OGFOD3: variants seen among roughly 807,000 people sequenced by gnomAD.
OGFOD3 encodes the protein 2-oxoglutarate and iron-dependent oxygenase domain-containing protein 3.
OGFOD3 carries 35 observed loss-of-function variants against 39.8 expected under a neutral mutation model. That is an observed-to-expected ratio of 0.88 (90% CI 0.67 to 1.17). The LOEUF (loss-of-function observed/expected upper bound fraction) is 1.17. Among genes scored for constraint, OGFOD3 ranks in the 50% most tolerant of loss-of-function variants. OGFOD3 has a pLI of 0.00. For missense variants in OGFOD3, 438 were observed against 454.5 expected (o/e 0.96, Z 0.33); for synonymous variants, 200 against 192.0 (o/e 1.04, Z -0.34).
intron 7 of OGFOD3, among the ~76,000 whole-genome samples, chr17:82,401,810 A>AAAAAAAAAAAAAAAAAAAAC (rs2052769847): frequency 6.8e-6 from 1 of 147,934 alleles, no homozygotes; most frequent in African/African-American, 2.5e-5. Context: ...TCTCAAAAAA[A>AAAAAAAAAAAAAAAAAAAAC]AAAAAAAAAA....
In OGFOD3 at chr17:82,418,496, CG is replaced by C; in HGVS notation, c.-12del. The C allele has an allele frequency of 7.2e-7, 1 of 1,381,172 alleles. No homozygotes were observed. The highest frequency in any genetic ancestry group is 1.5e-5 in the South Asian group (1 of 64,596). The allele number at this position is 1,381,172 out of a possible 1,614,324, so 85.6% of individuals were successfully genotyped here. A position where few individuals can be genotyped will look rare whatever the true frequency, so the allele number is the denominator to read the frequency against. On this transcript the variant is annotated 5_prime_UTR_variant, in exon 1 of 9. Transcript: ENST00000313056. ...CCGCTGAGGAGCCATCGGACCAGGC[CG>C]CCGCGGAGCCGGGCCGGACGCGGGC...
chr17:82,417,553 A>G (rs756268758), intron 1 of OGFOD3, among the ~76,000 whole-genome samples: 8 of 147,810 alleles, frequency 5.4e-5, no homozygotes, highest in Non-Finnish European at 1.2e-4. Flanking sequence ...CGGGAGGCAG[A>G]GGTTGCAATG....
intron 7 of OGFOD3, among the ~76,000 whole-genome samples, chr17:82,399,690 C>T (rs1201660084): frequency 1.3e-5 from 2 of 152,170 alleles, no homozygotes; most frequent in Non-Finnish European, 2.9e-5. Flanking sequence ...ACTCTAGGGT[C>T]CCCACGGACG....
chr17:82,402,840 A>G (rs1039893991), intron 7 of OGFOD3, among the ~76,000 whole-genome samples: 1 of 152,204 alleles, frequency 6.6e-6, no homozygotes, highest in Non-Finnish European at 1.5e-5. Context: ...GGATTGCTTC[A>G]GCCCAGGAGG....
At chr17:82,400,016 GCC>G (rs2052736828) in intron 7 of OGFOD3, among the ~76,000 whole-genome samples, 1 of 152,228 alleles carries the variant, frequency 6.6e-6, no homozygotes, top group African/African-American at 2.4e-5. Flanking sequence ...AGTGGAGAGA[GCC>G]CAGGCTTGAA....
chr17:82,404,364 G>A lies in OGFOD3; in HGVS notation c.546-274C>T, dbSNP rs1179344707. ...TGCAGGACCAACGCTGGGGAGGCTGGTGTGGAGTCAGGCCCCAGATGCCAG... is the reference window on the plus strand; with the variant it reads ...TGCAGGACCAACGCTGGGGAGGCTGATGTGGAGTCAGGCCCCAGATGCCAG... On this transcript the variant is annotated intron_variant, in intron 6 of 8. Coordinates refer to ENST00000313056, the MANE Select transcript of OGFOD3 (RefSeq NM_024648.3). The surrounding 1 kb of genome is among the most constrained non-coding windows in gnomAD (Gnocchi z 4.5). Among the ~76,000 whole-genome samples, 1 of 152,356 alleles carries A rather than the reference G, an allele frequency of 6.6e-6. No individual in the cohort carries two copies. Among genetic ancestry groups the A allele is most frequent in the East Asian group, 1.9e-4 (1 of 5,184 alleles).
intron 7 of OGFOD3, among the ~76,000 whole-genome samples, chr17:82,402,242 C>CT (rs1166469415): frequency 6.6e-6 from 1 of 151,844 alleles, no homozygotes; most frequent in Non-Finnish European, 1.5e-5. Flanking sequence ...TGAGGCCTGC[C>CT]TGGCCAACAT....
chr17:82,395,677 C>T (rs565478579), intron 8 of OGFOD3, among the ~76,000 whole-genome samples: 3 of 152,290 alleles, frequency 2.0e-5, no homozygotes, highest in South Asian at 2.1e-4. Flanking sequence ...AACAATTAGC[C>T]GGGCGTGGTG....
chr17:82,393,561 A>G (rs1166518177), intron 8 of OGFOD3: 2 of 152,202 alleles, frequency 1.3e-5, no homozygotes, highest in Non-Finnish European at 2.9e-5. Flanking sequence ...CGTGTGGGCC[A>G]CCTCCAGATA....
intron 1 of OGFOD3, among the ~76,000 whole-genome samples, chr17:82,416,615 T>C (rs920876920): frequency 6.6e-6 from 1 of 152,216 alleles, no homozygotes; most frequent in African/African-American, 2.4e-5. Context: ...AAAACTTGAA[T>C]AGAGACTCAT....
At chr17:82,405,850 T>C (rs1220489111) in intron 5 of OGFOD3, among the ~76,000 whole-genome samples, 1 of 152,150 alleles carries the variant, frequency 6.6e-6, no homozygotes, top group African/African-American at 2.4e-5. Context: ...CTCAGGAGGC[T>C]GAGATGGGAA....
chr17:82,398,209 C>T lies in OGFOD3; in HGVS notation c.810G>A (p.Val270=), dbSNP rs2052707627. 6.2e-7 allele frequency: 1 copy of T among 1,614,000 alleles called. No homozygotes were observed. The highest frequency in any genetic ancestry group is 1.3e-5 in the African/African-American group (1 of 74,926). The change falls in exon 8 of 9, where the codon GTG becomes GTA. Residue 270 remains valine, a synonymous_variant. Coordinates refer to ENST00000313056, the MANE Select transcript of OGFOD3 (RefSeq NM_024648.3). ...MFMEEGANKT[V]EPRAGRVSFF... ...CGCGCCTCCTACCAGCTCTCGGCTC[C>T]ACCGTCTTGTTGGCACCCTCCTCCA...
Position 82,392,648 on chromosome 17 carries a change from G to C in OGFOD3, c.824-114C>G. On this transcript the variant is annotated intron_variant, in intron 8 of 8. Coordinates refer to ENST00000313056, the MANE Select transcript of OGFOD3 (RefSeq NM_024648.3). This position sits in a 1 kb window ranked among gnomAD's most constrained non-coding sequence, Gnocchi z 4.2. Reference sequence around the variant, plus strand: ...TATAACCAATCAACACAACCAACCAGGCAGGCTGGAGAAATTGCCCCTCTG... The same window carrying C: ...TATAACCAATCAACACAACCAACCACGCAGGCTGGAGAAATTGCCCCTCTG... 7.8e-7 allele frequency: 1 copy of C among 1,275,312 alleles called. No homozygotes were observed. 79.0% of individuals were successfully genotyped at this position (1,275,312 alleles called of 1,614,324 possible). A position where few individuals can be genotyped will look rare whatever the true frequency, so the allele number is the denominator to read the frequency against.
At chr17:82,405,581 G>A (rs561267839) in intron 5 of OGFOD3, among the ~76,000 whole-genome samples, 55 of 152,350 alleles carry the variant, frequency 3.6e-4, no homozygotes, top group African/African-American at 1.1e-3. Flanking sequence ...CTGGGAGGCC[G>A]AGGCAGGTGG....
At chr17:82,408,615 C>T (rs2143265865) in intron 4 of OGFOD3, among the ~76,000 whole-genome samples, 1 of 152,220 alleles carries the variant, frequency 6.6e-6, no homozygotes, top group East Asian at 1.9e-4. Context: ...CCTCCCAGGG[C>T]TCCAGGGGAG....
In OGFOD3 at chr17:82,398,248, CCCT is replaced by C; in HGVS notation, c.768_770del (p.Gly257del). 6.2e-7 allele frequency: 1 copy of C among 1,614,186 alleles called. No homozygotes were observed. The highest frequency in any genetic ancestry group is 2.2e-5 in the East Asian group (1 of 44,884). ...CACCCTCCTCCATGAACATGAACCG[CCCT>C]CCGCCGAAGTCCTCCAGGTAGTTGG... On this transcript the variant is annotated inframe_deletion, in exon 8 of 9. Coordinates refer to ENST00000313056, the MANE Select transcript of OGFOD3 (RefSeq NM_024648.3).
chr17:82,415,279 G>C lies in OGFOD3; in HGVS notation c.304+119C>G, dbSNP rs2053013150. 2.0e-6 allele frequency: 2 copies of C among 994,536 alleles called. No homozygotes were observed. The highest frequency in any genetic ancestry group is 1.6e-5 in the African/African-American group (1 of 62,476). 61.6% of individuals were successfully genotyped at this position (994,536 alleles called of 1,614,324 possible). A position where few individuals can be genotyped will look rare whatever the true frequency, so the allele number is the denominator to read the frequency against. ...GTGGACTAGCCAGCCTGCAGGAGGG[G>C]AGAGGTTGTCTGCTACCCCCAAGCA... On this transcript the variant is annotated intron_variant, in intron 2 of 8. Coordinates refer to ENST00000313056, the MANE Select transcript of OGFOD3 (RefSeq NM_024648.3). The surrounding 1 kb of genome is among the most constrained non-coding windows in gnomAD (Gnocchi z 5.3).
intron 2 of OGFOD3, among the ~76,000 whole-genome samples, chr17:82,412,075 CGCCAGAGAGGAAAACCCTCCTGAG>C (rs2052956404): frequency 1.4e-5 from 1 of 71,802 alleles, no homozygotes; most frequent in Non-Finnish European, 2.9e-5. Flanking sequence ...CTCCTGAGAC[CGCCAGAGAGGAAAACCCTCCTGAG>C]ACCACTGGAG....
At chr17:82,416,058 G>A (rs2053028511) in intron 1 of OGFOD3, among the ~76,000 whole-genome samples, 1 of 150,846 alleles carries the variant, frequency 6.6e-6, no homozygotes, top group African/African-American at 2.5e-5. Flanking sequence ...GTGAAACCCT[G>A]TCTCTACTAA....
Sources: allele counts gnomAD v4.1 joint callset (sites outside exome capture counted in the v4.1 genomes callset), GRCh38; gene constraint gnomAD v4.1.1; non-coding constraint Gnocchi (gnomAD v3.1); transcripts MANE v1.5; gene names NCBI Gene and HGNC (gene_info 2026-07-23, HGNC 2026-07-21).